The following CHSY1 variants were observed in gnomAD, a reference collection of about 807,000 sequenced individuals.
CHSY1 encodes the protein N-acetylgalactosaminyl-proteoglycan 3-beta-glucuronosyltransferase 1.
In CHSY1, 13 loss-of-function variants were observed where a neutral mutation model predicts 59.8. The ratio of observed to expected loss-of-function variants is 0.22; its 90% confidence interval spans 0.14 to 0.35. The LOEUF is 0.35. Ranked by LOEUF, CHSY1 falls within the 10% of genes least tolerant of loss-of-function variation. The probability of loss-of-function intolerance (pLI) is 1.00; values close to 1 mark genes in which losing one functional copy is unlikely to be tolerated. For missense variants in CHSY1, 947 were observed against 1,030.6 expected (o/e 0.92, Z 1.11); for synonymous variants, 459 against 401.2 (o/e 1.14, Z -1.72).
chr15:101,251,411 G>A lies in CHSY1; in HGVS notation c.46C>T (p.Leu16Phe), dbSNP rs2039110537. ...RRAWLSVLLG[L>F]VLGFVLASRL... is the part of the protein sequence containing the mutation. ...GAGGCCAGCACGAAGCCCAGGACGA[G>A]CCCGAGCAGCACGCTGAGCCAGGCG... is the stretch of plus-strand genomic sequence containing the variant. Residue 16 changes from leucine (L) to phenylalanine (F), a missense_variant, in exon 1 of 3, where the codon CTC becomes TTC. Leu to Phe is a conservative substitution (Grantham distance 22). This residue lies in a region of CHSY1 where 232 missense variants were observed against 188.5 expected (regional missense o/e 1.23). Transcript: ENST00000254190. 8.7e-7 allele frequency: 1 copy of A among 1,145,330 alleles called. No homozygotes were observed. Among genetic ancestry groups the A allele is most frequent in the Non-Finnish European group, 1.1e-6 (1 of 914,274 alleles). The allele number at this position is 1,145,330 out of a possible 1,614,324, so 70.9% of individuals were successfully genotyped here. A position where few individuals can be genotyped will look rare whatever the true frequency, so the allele number is the denominator to read the frequency against.
chr15:101,236,587 C>T (rs566187972), intron 1 of CHSY1, among the ~76,000 whole-genome samples: 98 of 152,070 alleles, frequency 6.4e-4, no homozygotes, highest in African/African-American at 2.2e-3. Context: ...TTTGGGAGGC[C>T]GAGGCGGGCG....
chr15:101,199,298 T>A (rs879374510), intron 2 of CHSY1, among the ~76,000 whole-genome samples: 1 of 152,198 alleles, frequency 6.6e-6, no homozygotes, highest in Non-Finnish European at 1.5e-5. Flanking sequence ...GGTCAGGAGA[T>A]GGAGACCATC....
intron 2 of CHSY1, among the ~76,000 whole-genome samples, chr15:101,199,254 T>G (rs1596438294): frequency 6.6e-6 from 1 of 152,142 alleles, no homozygotes; most frequent in Non-Finnish European, 1.5e-5. Context: ...CTGTAATCCC[T>G]GCACTTTGGG....
chr15:101,192,688 G>A (rs1361975048), intron 2 of CHSY1, among the ~76,000 whole-genome samples: 1 of 55,724 alleles, frequency 1.8e-5, no homozygotes, highest in African/African-American at 9.4e-5. Flanking sequence ...GAGGTGCCTT[G>A]AAGGCAGGTC....
intron 2 of CHSY1, among the ~76,000 whole-genome samples, chr15:101,214,049 TCCATCA>T (rs2038707724): frequency 6.6e-6 from 1 of 152,208 alleles, no homozygotes; most frequent in Non-Finnish European, 1.5e-5. Flanking sequence ...GTGACCTGGA[TCCATCA>T]CCTGTGGGGC....
At chr15:101,224,044 C>T (rs1228742588) in intron 2 of CHSY1, among the ~76,000 whole-genome samples, 1 of 152,236 alleles carries the variant, frequency 6.6e-6, no homozygotes, top group African/African-American at 2.4e-5. Context: ...CAGTTGCCTA[C>T]AGTATTCAGC....
chr15:101,239,541 C>T (rs1452164735), intron 1 of CHSY1, among the ~76,000 whole-genome samples: 5 of 152,186 alleles, frequency 3.3e-5, no homozygotes, highest in Admixed American at 3.3e-4. Context: ...TAAATGAGCT[C>T]TCTGTAAACA....
At position 101,235,322 on chromosome 15, in the gene CHSY1, C is replaced by G. The variant is rs148344653; in HGVS notation, c.576G>C (p.Glu192Asp). The G allele has an allele frequency of 3.1e-6, 5 of 1,614,092 alleles. No individual in the cohort carries two copies. The African/African-American group carries it at 5.3e-5, about 17-fold the overall frequency. Residue 192 changes from glutamate to aspartate, a missense_variant, in exon 2 of 3, where the codon GAG becomes GAC. By Grantham distance (45) the Glu-to-Asp change is conservative. Around this residue, in one of 4 missense-constraint regions of CHSY1, gnomAD observed 108 missense variants for 144.4 expected, o/e 0.75. Coordinates refer to ENST00000254190, the MANE Select transcript of CHSY1 (RefSeq NM_014918.5). ...GGCCTGTCTGCCCAAGAAAGAGGGG[C>G]TCGCTGCTGTTCAAACTCCTCAGGA... The part of the protein sequence containing the change: ...ENFLRSLNSS[E>D]PLFLGQTGLG...
At chr15:101,222,143 A>T (rs1333691952) in intron 2 of CHSY1, among the ~76,000 whole-genome samples, 1 of 152,204 alleles carries the variant, frequency 6.6e-6, no homozygotes, top group Non-Finnish European at 1.5e-5. Context: ...ACACACAAAG[A>T]CCTTTCTGTC....
At chr15:101,246,541 A>G (rs1450806051) in intron 1 of CHSY1, among the ~76,000 whole-genome samples, 2 of 152,202 alleles carry the variant, frequency 1.3e-5, no homozygotes, top group Non-Finnish European at 2.9e-5. Context: ...TACTGGCACA[A>G]GAACAGACAG....
At chr15:101,203,505 T>C (rs113049623) in intron 2 of CHSY1, among the ~76,000 whole-genome samples, 40 of 152,358 alleles carry the variant, frequency 2.6e-4, no homozygotes, top group Middle Eastern at 3.4e-3. Context: ...AAAAATCATG[T>C]GGATGATTAA....
intron 2 of CHSY1, among the ~76,000 whole-genome samples, chr15:101,224,907 C>G (rs570827399): frequency 6.6e-6 from 1 of 152,346 alleles, no homozygotes; most frequent in South Asian, 2.1e-4. Context: ...GACTCAAAAG[C>G]TTCGATGATG....
At chr15:101,209,141 A>C (rs60220878) in intron 2 of CHSY1, among the ~76,000 whole-genome samples, 1,709 of 152,308 alleles carry the variant, frequency 0.011, 31 homozygotes, top group African/African-American at 0.039. Context: ...TAATCACTCT[A>C]CCTTAGTTAA....
At chr15:101,244,041 T>C (rs2039028142) in intron 1 of CHSY1, among the ~76,000 whole-genome samples, 2 of 152,236 alleles carry the variant, frequency 1.3e-5, no homozygotes, top group African/African-American at 4.8e-5. Context: ...TGGACCTTAT[T>C]TGTAATCATC....
At chr15:101,196,822 G>A (rs968606280) in intron 2 of CHSY1, among the ~76,000 whole-genome samples, 3 of 152,122 alleles carry the variant, frequency 2.0e-5, no homozygotes, top group Non-Finnish European at 4.4e-5. Context: ...TCAGGAGCTC[G>A]AGGACAGCCT....
In CHSY1 at chr15:101,235,186, G is replaced by A; in HGVS notation, c.712C>T (p.His238Tyr). 6.2e-7 allele frequency: 1 copy of A among 1,613,964 alleles called. No individual in the cohort carries two copies. The highest frequency in any genetic ancestry group is 8.5e-7 in the Non-Finnish European group (1 of 1,179,936). Reference protein sequence around the residue: ...SREVLRRMVPHIGKCLREMYT... With the variant: ...SREVLRRMVPYIGKCLREMYT... Reference sequence around the variant, plus strand: ...ATCTCCCGGAGACACTTGCCAATGTGCGGCACCATTCTCCGAAGCACCTCC... The same window carrying A: ...ATCTCCCGGAGACACTTGCCAATGTACGGCACCATTCTCCGAAGCACCTCC... The change falls in exon 2 of 3, where the codon CAC becomes TAC. Residue 238 changes from histidine (H) to tyrosine (Y), a missense_variant. By Grantham distance (83) the His-to-Tyr change is moderately conservative. This residue lies in a region of CHSY1 where 108 missense variants were observed against 144.4 expected (regional missense o/e 0.75). Coordinates refer to ENST00000254190, the MANE Select transcript of CHSY1 (RefSeq NM_014918.5).
Position 101,235,415 on chromosome 15 carries a change from C to G in CHSY1, c.483G>C (p.Leu161Phe), listed in dbSNP as rs1596452605. Residue 161 changes from leucine (L) to phenylalanine (F), a missense_variant, in exon 2 of 3, where the codon TTG (leucine) becomes TTC (phenylalanine). Leu to Phe is a conservative substitution (Grantham distance 22). Around this residue, in one of 4 missense-constraint regions of CHSY1, gnomAD observed 108 missense variants for 144.4 expected, o/e 0.75. Coordinates refer to ENST00000254190, the MANE Select transcript of CHSY1 (RefSeq NM_014918.5). ...MMLKYMHDHY[L>F]DKYEWFMRAD... ...CTCTCATAAACCATTCATACTTGTC[C>G]AAGTAGTGGTCGTGCATGTACTTGA... is the stretch of plus-strand genomic sequence containing the variant. 1.9e-6 allele frequency: 3 copies of G among 1,614,122 alleles called. No homozygotes were observed. In the East Asian group the frequency reaches 6.7e-5, roughly 36 times the overall value.
In CHSY1 at chr15:101,177,339, GAAAA is replaced by G; in HGVS notation, c.*45_*48del. On this transcript the variant is annotated 3_prime_UTR_variant, in exon 3 of 3. Transcript: ENST00000254190. Reference sequence around the variant, plus strand: ...AAAACTGATCATACAAAAAATTTTTGAAAAATAAATTAGATAATTAAAAACGTCT... The same window carrying G: ...AAAACTGATCATACAAAAAATTTTTGATAAATTAGATAATTAAAAACGTCT... 1 of 1,573,120 alleles carries G rather than the reference GAAAA, an allele frequency of 6.4e-7. No individual in the cohort carries two copies. Among genetic ancestry groups the G allele is most frequent in the Non-Finnish European group, 8.6e-7 (1 of 1,163,718 alleles).
chr15:101,196,660 CG>C (rs2038510247), intron 2 of CHSY1, among the ~76,000 whole-genome samples: 1 of 152,068 alleles, frequency 6.6e-6, no homozygotes, highest in African/African-American at 2.4e-5. Context: ...AACTATAGGA[CG>C]ATTAGCCAAC....
Sources: allele counts gnomAD v4.1 joint callset (sites outside exome capture counted in the v4.1 genomes callset), GRCh38; gene constraint gnomAD v4.1.1; regional missense constraint gnomAD v4.1.1; transcripts MANE v1.5; gene names NCBI Gene and HGNC (gene_info 2026-07-23, HGNC 2026-07-21).